Variants in ST7 observed in about 807,000 individuals in gnomAD.
ST7 encodes suppression of tumorigenicity 7, also known as suppressor of tumorigenicity 7 protein.
In ST7, 28 loss-of-function variants were observed where a neutral mutation model predicts 78.7. The observed-to-expected ratio is 0.36, with a 90% CI of 0.26 to 0.49. The LOEUF (loss-of-function observed/expected upper bound fraction) is 0.49. Among genes scored for constraint, ST7 ranks in the 20% least tolerant of loss-of-function variants. The pLI is 0.99. For synonymous variants in ST7, 247 were observed against 249.6 expected (o/e 0.99, Z 0.10); for missense variants, 418 against 696.0 (o/e 0.60, Z 4.49).
At chr7:116,993,735 G>A (rs967028364) in intron 1 of ST7, among the ~76,000 whole-genome samples, 1 of 152,156 alleles carries the variant, frequency 6.6e-6, no homozygotes, top group Non-Finnish European at 1.5e-5. Context: ...CAGAGCTAGG[G>A]GAAATAGAGT....
At chr7:117,023,386 C>G (rs1796027670) in intron 1 of ST7, among the ~76,000 whole-genome samples, 1 of 152,184 alleles carries the variant, frequency 6.6e-6, no homozygotes, top group South Asian at 2.1e-4. Flanking sequence ...CCTGACACTG[C>G]TTTCATCAAT....
intron 15 of ST7, among the ~76,000 whole-genome samples, chr7:117,224,995 G>T (rs577889224): frequency 9.2e-5 from 14 of 152,290 alleles, no homozygotes; most frequent in African/African-American, 3.4e-4. Flanking sequence ...TCTGGGGTCC[G>T]CATGGGCAAC....
chr7:117,127,125 T>A (rs1190170121), intron 3 of ST7, among the ~76,000 whole-genome samples: 1 of 151,906 alleles, frequency 6.6e-6, no homozygotes, highest in Non-Finnish European at 1.5e-5. Context: ...GGCATTAAAA[T>A]TGTTGATGTT....
At chr7:117,057,842 A>G (rs1341580572) in intron 1 of ST7, among the ~76,000 whole-genome samples, 1 of 152,164 alleles carries the variant, frequency 6.6e-6, no homozygotes, top group Non-Finnish European at 1.5e-5. Context: ...AATTTGTACT[A>G]TTAAGTAAAA....
chr7:117,063,177 T>C (rs1434608653), intron 1 of ST7, among the ~76,000 whole-genome samples: 2 of 152,240 alleles, frequency 1.3e-5, no homozygotes, highest in Non-Finnish European at 2.9e-5. Context: ...TGTATTTCAC[T>C]GTGTTCTTTT....
chr7:117,070,310 A>T lies in ST7; in HGVS notation c.152-29452A>T, dbSNP rs117165711. 8.9e-3 allele frequency among the ~76,000 whole-genome samples: 1,352 copies of T among 152,320 alleles called. 10 individuals are homozygous for T. Among genetic ancestry groups the T allele is most frequent in the South Asian group, 0.019 (93 of 4,826 alleles). On this transcript the variant is annotated intron_variant, in intron 1 of 15. Coordinates refer to ENST00000323984, the MANE Select transcript of ST7 (RefSeq NM_001369598.1). ...ACAGTTTATTAACATCTTCAGGCCC[A>T]TTTCTCATCTGTAAAAGGAGACGAT...
At position 117,201,644 on chromosome 7, in the gene ST7, G is replaced by A. The variant is rs182202735; in HGVS notation, c.1255-8143G>A. Among the ~76,000 whole-genome samples, 358 of 150,712 alleles carry A rather than the reference G, an allele frequency of 2.4e-3. 8 individuals carry two copies. Among genetic ancestry groups the A allele is most frequent in the Admixed American group, 0.018 (269 of 15,142 alleles). ...TGCTATCATGGCTCACTGCAGCCTC[G>A]ACCTCCCAAGCTCAAGCAATCCTCC... On this transcript the variant is annotated intron_variant, in intron 12 of 15. Coordinates refer to ENST00000323984, the MANE Select transcript of ST7 (RefSeq NM_001369598.1).
intron 1 of ST7, among the ~76,000 whole-genome samples, chr7:117,003,325 T>C (rs1361458462): frequency 6.6e-6 from 1 of 151,832 alleles, no homozygotes; most frequent in African/African-American, 2.4e-5. Flanking sequence ...TGAGACACAG[T>C]CTCACTCTGT....
Position 117,110,432 on chromosome 7 carries a change from G to A in ST7, c.235-9129G>A, listed in dbSNP as rs780579582. 1.2e-4 allele frequency among the ~76,000 whole-genome samples: 18 copies of A among 152,244 alleles called. No individual in the cohort carries two copies. The East Asian group carries it at 2.3e-3, about 20-fold the overall frequency. ...GCTAACTCATTTACTCTTCCCCACC[G>A]TACAACAGGGTCATTGCTAATGGTT... On this transcript the variant is annotated intron_variant, in intron 2 of 15. Transcript: ENST00000323984.
At chr7:117,102,342 T>A (rs1370638712) in intron 2 of ST7, among the ~76,000 whole-genome samples, 2 of 152,200 alleles carry the variant, frequency 1.3e-5, no homozygotes, top group Non-Finnish European at 1.5e-5. Context: ...AGGAACAACG[T>A]AAATTGTCCA....
chr7:117,017,332 G>T (rs1464851528), intron 1 of ST7, among the ~76,000 whole-genome samples: 2 of 152,164 alleles, frequency 1.3e-5, no homozygotes, highest in Non-Finnish European at 2.9e-5. Context: ...AGAACAGTAA[G>T]CTCCCAGAAA....
At position 117,130,597 on chromosome 7, in the gene ST7, G is replaced by A. The variant is rs201219065; in HGVS notation, c.556G>A (p.Ala186Thr). 141 of 1,608,430 alleles carry A rather than the reference G, an allele frequency of 8.8e-5. No homozygotes were observed. The highest frequency in any genetic ancestry group is 2.7e-4 in the East Asian group (12 of 44,528). Residue 186 changes from alanine to threonine, a missense_variant, in exon 5 of 16, where the codon GCA becomes ACA. By Grantham distance (58) the Ala-to-Thr change is moderately conservative. This residue lies in a region of ST7 where 288 missense variants were observed against 537.1 expected (regional missense o/e 0.54). Coordinates refer to ENST00000323984, the MANE Select transcript of ST7 (RefSeq NM_001369598.1). ...FTCDSDHLRPADAIMQKAWRE... is the reference protein window; with the variant it reads ...FTCDSDHLRPTDAIMQKAWRE... ...TTGTGACTCGGACCATCTGCGTCCCGCAGATGCAAGTATGAAAAATCCATA... is the reference window on the plus strand; with the variant it reads ...TTGTGACTCGGACCATCTGCGTCCCACAGATGCAAGTATGAAAAATCCATA...
At chr7:117,113,992 G>A (rs551799882) in intron 2 of ST7, among the ~76,000 whole-genome samples, 7 of 152,302 alleles carry the variant, frequency 4.6e-5, no homozygotes, top group African/African-American at 1.7e-4. Context: ...GGTGGGGATG[G>A]ACCATTGGCT....
At chr7:117,177,590 C>T (rs983948824) in intron 10 of ST7, among the ~76,000 whole-genome samples, 11 of 152,276 alleles carry the variant, frequency 7.2e-5, no homozygotes, top group South Asian at 2.1e-4. Flanking sequence ...TAGCGTAAGA[C>T]GAATTTTTCT....
intron 2 of ST7, among the ~76,000 whole-genome samples, chr7:117,103,680 T>C (rs542519469): frequency 5.3e-5 from 8 of 152,164 alleles, no homozygotes; most frequent in Admixed American, 3.3e-4. Context: ...TCCAGAACAT[T>C]AGTCTGGGTA....
At chr7:116,954,127 G>A (rs1199532018) in intron 1 of ST7, 1 of 151,896 alleles carries the variant, frequency 6.6e-6, no homozygotes, top group Non-Finnish European at 1.5e-5. Flanking sequence ...CCAAGCGGCC[G>A]AAGTGTGGTC....
At chr7:116,975,787 C>T (rs1000838835) in intron 1 of ST7, among the ~76,000 whole-genome samples, 3 of 151,530 alleles carry the variant, frequency 2.0e-5, no homozygotes, top group Non-Finnish European at 4.4e-5. Flanking sequence ...AAGGGTGTTT[C>T]AGATAATTTC....
At chr7:117,011,550 A>T (rs1795383983) in intron 1 of ST7, among the ~76,000 whole-genome samples, 1 of 152,162 alleles carries the variant, frequency 6.6e-6, no homozygotes, top group South Asian at 2.1e-4. Flanking sequence ...TAGATCAGAG[A>T]GGTAATGAGT....
intron 10 of ST7, among the ~76,000 whole-genome samples, chr7:117,179,779 T>G (rs1258352105): frequency 6.6e-6 from 1 of 151,972 alleles, no homozygotes; most frequent in Non-Finnish European, 1.5e-5. Flanking sequence ...TGGGGCAATT[T>G]CAGGTAGGGC....
Sources: allele counts gnomAD v4.1 joint callset (sites outside exome capture counted in the v4.1 genomes callset), GRCh38; gene constraint gnomAD v4.1.1; regional missense constraint gnomAD v4.1.1; transcripts MANE v1.5; gene names NCBI Gene and HGNC (gene_info 2026-07-23, HGNC 2026-07-21).